Variants in DCC observed in about 807,000 individuals in gnomAD.
The protein encoded by DCC is DCC netrin 1 receptor.
In DCC, 58 loss-of-function variants were observed where a neutral mutation model predicts 172.5. The observed-to-expected ratio is 0.34, with a 90% CI of 0.27 to 0.42. DCC has a LOEUF of 0.42. Among genes scored for constraint, DCC ranks in the 10% least tolerant of loss-of-function variants. The pLI is 1.00. For missense variants in DCC, 1,740 were observed against 1,791.0 expected (o/e 0.97, Z 0.51); for synonymous variants, 709 against 644.5 (o/e 1.10, Z -1.52).
At chr18:53,002,454 G>A (rs1489925245) in intron 5 of DCC, among the ~76,000 whole-genome samples, 1 of 152,088 alleles carries the variant, frequency 6.6e-6, no homozygotes, top group Non-Finnish European at 1.5e-5. Context: ...AGGTGACACT[G>A]CTGCACCACC....
At chr18:53,160,248 C>A (rs1017938285) in intron 8 of DCC, among the ~76,000 whole-genome samples, 2 of 152,192 alleles carry the variant, frequency 1.3e-5, no homozygotes, top group African/African-American at 4.8e-5. Context: ...CCAATCACTG[C>A]AACCTCTCAT....
At chr18:52,352,441 A>G (rs1984167518) in intron 1 of DCC, among the ~76,000 whole-genome samples, 1 of 152,192 alleles carries the variant, frequency 6.6e-6, no homozygotes, top group Admixed American at 6.5e-5. Context: ...AGAGGCTCAT[A>G]GGTCCAGCTA....
Position 53,215,675 on chromosome 18 carries a change from T to G in DCC, c.1911+78T>G, listed in dbSNP as rs1262439768. The G allele has an allele frequency of 1.0e-5, 12 of 1,171,970 alleles. No homozygotes were observed. In the Admixed American group the frequency reaches 2.0e-4, roughly 20 times the overall value. 72.6% of individuals were successfully genotyped at this position (1,171,970 alleles called of 1,614,324 possible). ...GTATAACCTTCACTCACCCAACTGC[T>G]GTCTTGAGTACAGGATAGTGGCTTC... On this transcript the variant is annotated intron_variant, in intron 12 of 28. Coordinates refer to ENST00000442544, the MANE Select transcript of DCC (RefSeq NM_005215.4).
chr18:52,696,711 C>T (rs917847015), intron 1 of DCC, among the ~76,000 whole-genome samples: 1 of 152,076 alleles, frequency 6.6e-6, no homozygotes, highest in African/African-American at 2.4e-5. Context: ...TCATGAATGA[C>T]GGGATATTTG....
At chr18:53,124,064 A>G (rs1313452610) in intron 7 of DCC, among the ~76,000 whole-genome samples, 2 of 152,204 alleles carry the variant, frequency 1.3e-5, no homozygotes, top group African/African-American at 4.8e-5. Context: ...AATATTTTAC[A>G]GAAAAGATGG....
intron 1 of DCC, among the ~76,000 whole-genome samples, chr18:52,670,835 C>T (rs1437679898): frequency 1.3e-5 from 2 of 150,850 alleles, no homozygotes; most frequent in Non-Finnish European, 1.5e-5. Flanking sequence ...AGCAAAACTC[C>T]ATCTCAAAAA....
chr18:53,254,539 C>T (rs1281003668), intron 12 of DCC, among the ~76,000 whole-genome samples: 1 of 152,058 alleles, frequency 6.6e-6, no homozygotes, highest in Admixed American at 6.6e-5. Context: ...AATCTACATT[C>T]CTGGGAATAC....
At chr18:52,849,950 G>A (rs932620151) in intron 2 of DCC, among the ~76,000 whole-genome samples, 4 of 152,112 alleles carry the variant, frequency 2.6e-5, no homozygotes, top group African/African-American at 9.7e-5. Flanking sequence ...AAATGCCCCA[G>A]GTCATGAGAG....
At chr18:52,541,877 ATATATATATATATATATATGTG>A (rs1288748524) in intron 1 of DCC, among the ~76,000 whole-genome samples, 9 of 68,796 alleles carry the variant, frequency 1.3e-4, no homozygotes, top group Admixed American at 1.0e-3. Context: ...GTGTGTGTGT[ATATATATATATATATATATGTG>A]TATATATATA....
chr18:53,201,860 A>G (rs2055542466), intron 9 of DCC, among the ~76,000 whole-genome samples: 1 of 152,182 alleles, frequency 6.6e-6, no homozygotes, highest in Non-Finnish European at 1.5e-5. Flanking sequence ...TGTCTGTGAA[A>G]ATACAACTCT....
chr18:52,882,001 T>C (rs116602581), intron 2 of DCC, among the ~76,000 whole-genome samples: 1,570 of 152,224 alleles, frequency 0.01, 31 homozygotes, highest in African/African-American at 0.036. Flanking sequence ...AGTTTTCATT[T>C]TGAGATCTTT....
intron 1 of DCC, among the ~76,000 whole-genome samples, chr18:52,665,613 A>G (rs1479980839): frequency 6.6e-6 from 1 of 152,192 alleles, no homozygotes; most frequent in African/African-American, 2.4e-5. Context: ...AACAATAGCT[A>G]CATATTTTCA....
In DCC at chr18:52,753,036, C is replaced by T. The variant is rs1021917476; in HGVS notation, c.412+662C>T. On this transcript the variant is annotated intron_variant, in intron 2 of 28. Transcript: ENST00000442544. The stretch of plus-strand genomic sequence containing the variant: ...ATATCTCATATTTTCTTTACCCATT[C>T]GTGATTGATTCCACATCTTGGCTGT... Among the ~76,000 whole-genome samples, 8 of 151,814 alleles carry T rather than the reference C, an allele frequency of 5.3e-5. No homozygotes were observed. In the East Asian group the frequency reaches 1.2e-3, roughly 22 times the overall value.
intron 5 of DCC, among the ~76,000 whole-genome samples, chr18:52,962,759 G>A (rs1201897000): frequency 6.6e-6 from 1 of 151,900 alleles, no homozygotes; most frequent in Non-Finnish European, 1.5e-5. Context: ...TATACACCAT[G>A]GAATACTATG....
chr18:53,000,411 A>T (rs898681705), intron 5 of DCC, among the ~76,000 whole-genome samples: 2 of 151,620 alleles, frequency 1.3e-5, no homozygotes, highest in African/African-American at 4.9e-5. Context: ...GTAAGGAGGG[A>T]TTGGGAAACA....
chr18:52,862,293 T>C (rs7228869), intron 2 of DCC, among the ~76,000 whole-genome samples: 194 of 152,246 alleles, frequency 1.3e-3, no homozygotes, highest in African/African-American at 4.5e-3. Context: ...TCGTCAAATA[T>C]CAAAGGTTTA....
intron 1 of DCC, among the ~76,000 whole-genome samples, chr18:52,618,661 G>A (rs1409590300): frequency 6.6e-6 from 1 of 152,032 alleles, no homozygotes; most frequent in Admixed American, 6.6e-5. Context: ...TAATCTCTTA[G>A]GTTTCATACA....
chr18:52,907,020 G>A (rs1393824772), intron 3 of DCC, among the ~76,000 whole-genome samples: 1 of 151,750 alleles, frequency 6.6e-6, no homozygotes, highest in Non-Finnish European at 1.5e-5. Flanking sequence ...TGACTTAAAT[G>A]TATCAATAAC....
chr18:53,368,394 A>G (rs1437497318), intron 15 of DCC, among the ~76,000 whole-genome samples: 1 of 152,006 alleles, frequency 6.6e-6, no homozygotes, highest in Non-Finnish European at 1.5e-5. Flanking sequence ...TTATCTTTTT[A>G]CTTTGTTGGT....
Sources: gnomAD v4.1 joint callset for allele counts (sites outside exome capture counted in the v4.1 genomes callset) on GRCh38, gnomAD v4.1.1 for gene constraint, MANE v1.5 for transcripts, NCBI Gene and HGNC (gene_info 2026-07-23, HGNC 2026-07-21) for gene names.